The following FARP1 variants were observed in gnomAD, a reference collection of about 807,000 sequenced individuals.
The protein encoded by FARP1 is FERM, ARH/RhoGEF and pleckstrin domain protein 1, also known as FERM, ARHGEF and pleckstrin domain-containing protein 1.
A neutral mutation model predicts 128.8 loss-of-function variants in FARP1; 52 were observed. The ratio of observed to expected loss-of-function variants is 0.40; its 90% CI spans 0.32 to 0.51. FARP1 has a LOEUF of 0.51. Among genes scored for constraint, FARP1 ranks in the 20% least tolerant of loss-of-function variants. The pLI, the probability that FARP1 is intolerant of heterozygous loss-of-function variation, is 0.45. For synonymous variants in FARP1, 580 were observed against 551.8 expected, an observed-to-expected ratio of 1.05 and a Z score of -0.72; for missense variants, 1,333 against 1,367.9, an observed-to-expected ratio of 0.97 and a Z score of 0.40.
intron 2 of FARP1, among the ~76,000 whole-genome samples, chr13:98,341,627 G>A (rs1157450473): frequency 1.3e-5 from 2 of 152,016 alleles, no homozygotes; most frequent in East Asian, 1.9e-4. Flanking sequence ...GGGAAACTCC[G>A]TTTCAAAAAA....
At chr13:98,344,443 G>A (rs1205619189) in intron 3 of FARP1, among the ~76,000 whole-genome samples, 1 of 152,148 alleles carries the variant, frequency 6.6e-6, no homozygotes, top group African/African-American at 2.4e-5. Flanking sequence ...GCCCATCCCT[G>A]GGGAAGACCA....
At chr13:98,415,314 A>G (rs7982662) in intron 16 of FARP1, among the ~76,000 whole-genome samples, 20,679 of 152,208 alleles carry the variant, frequency 0.14, 2,155 homozygotes, top group East Asian at 0.31. Context: ...CCTTTTCTGC[A>G]ACAACCGACC....
intron 13 of FARP1, chr13:98,400,509 G>T (rs1367539969): frequency 6.6e-6 from 1 of 152,200 alleles, no homozygotes; most frequent in Admixed American, 6.5e-5. Flanking sequence ...GAATGACTTT[G>T]GTGAAACTGT....
At chr13:98,417,197 T>G (rs1352374245) in intron 16 of FARP1, among the ~76,000 whole-genome samples, 1 of 151,800 alleles carries the variant, frequency 6.6e-6, no homozygotes, top group Non-Finnish European at 1.5e-5. Flanking sequence ...GGAATGATAA[T>G]TTTGAGGGCC....
chr13:98,303,976 C>T (rs187887636), intron 2 of FARP1, among the ~76,000 whole-genome samples: 5 of 152,308 alleles, frequency 3.3e-5, no homozygotes, highest in Non-Finnish European at 5.9e-5. Flanking sequence ...AAGTGGTGGT[C>T]TGAGTGTCAC....
intron 13 of FARP1, among the ~76,000 whole-genome samples, chr13:98,409,107 T>C (rs1891087577): frequency 6.6e-6 from 1 of 152,192 alleles, no homozygotes; most frequent in South Asian, 2.1e-4. Flanking sequence ...CAGAGTTCTC[T>C]ATCTTATCAT....
intron 2 of FARP1, among the ~76,000 whole-genome samples, chr13:98,231,204 A>G (rs925880834): frequency 1.3e-5 from 2 of 152,136 alleles, no homozygotes; most frequent in African/African-American, 4.8e-5. Flanking sequence ...CCTGGGTGCA[A>G]GGATAACCCC....
intron 1 of FARP1, among the ~76,000 whole-genome samples, chr13:98,178,467 A>C (rs752328411): frequency 2.0e-5 from 3 of 152,220 alleles, no homozygotes; most frequent in Non-Finnish European, 4.4e-5. Flanking sequence ...AAATGTTGGT[A>C]TTACAGGCGT....
At chr13:98,344,376 A>AG (rs1888093214) in intron 3 of FARP1, among the ~76,000 whole-genome samples, 1 of 152,026 alleles carries the variant, frequency 6.6e-6, no homozygotes, top group South Asian at 2.1e-4. Context: ...ACCCCTGTGG[A>AG]GGAGAGGGCT....
At chr13:98,386,270 T>C (rs1890095629) in intron 8 of FARP1, among the ~76,000 whole-genome samples, 1 of 151,266 alleles carries the variant, frequency 6.6e-6, no homozygotes, top group Non-Finnish European at 1.5e-5. Context: ...TTAAAGAGTG[T>C]TAGGCACACT....
At chr13:98,197,735 C>A (rs113352896) in intron 1 of FARP1, among the ~76,000 whole-genome samples, 1 of 151,314 alleles carries the variant, frequency 6.6e-6, no homozygotes, top group African/African-American at 2.4e-5. Context: ...CCCGGGTTCA[C>A]GCCATTCTTC....
intron 1 of FARP1, among the ~76,000 whole-genome samples, chr13:98,191,917 T>A (rs1407785483): frequency 6.6e-6 from 1 of 152,164 alleles, no homozygotes; most frequent in Non-Finnish European, 1.5e-5. Flanking sequence ...CACTCCAGCC[T>A]GGGTGACAGA....
At chr13:98,313,046 C>A (rs1444585645) in intron 2 of FARP1, among the ~76,000 whole-genome samples, 2 of 151,874 alleles carry the variant, frequency 1.3e-5, no homozygotes, top group African/African-American at 2.4e-5. Flanking sequence ...GAAGCAGAGT[C>A]CTTACAGATG....
At chr13:98,215,898 C>A (rs1881033019) in intron 2 of FARP1, among the ~76,000 whole-genome samples, 1 of 151,934 alleles carries the variant, frequency 6.6e-6, no homozygotes, top group Non-Finnish European at 1.5e-5. Context: ...TTAAGCGATT[C>A]TTCTGCCTCA....
At chr13:98,248,064 C>T (rs2139478663) in intron 2 of FARP1, among the ~76,000 whole-genome samples, 1 of 152,328 alleles carries the variant, frequency 6.6e-6, no homozygotes, top group Admixed American at 6.5e-5. Flanking sequence ...CTCTCAGCAT[C>T]AGAGAGGCGG....
At chr13:98,321,191 A>G (rs2139789189) in intron 2 of FARP1, among the ~76,000 whole-genome samples, 1 of 152,126 alleles carries the variant, frequency 6.6e-6, no homozygotes, top group Non-Finnish European at 1.5e-5. Context: ...GTCACCACTG[A>G]CCTTGTGGAA....
intron 1 of FARP1, chr13:98,177,382 C>T: frequency 1.6e-6 from 1 of 606,118 alleles, no homozygotes. Context: ...CGCGGTGACT[C>T]ACTCTTGTAA....
At chr13:98,431,353 G>A in intron 18 of FARP1, 73 bp downstream of exon 18, 1 of 1,044,820 alleles carries the variant, frequency 9.6e-7, no homozygotes, top group South Asian at 1.6e-5. Flanking sequence ...ACTGAGCCCA[G>A]CCAGGGAGGG....
At chr13:98,159,348 G>A (rs1229943166) in intron 1 of FARP1, 1 of 152,240 alleles carries the variant, frequency 6.6e-6, no homozygotes, top group Non-Finnish European at 1.5e-5. Context: ...TCTTCTTGTA[G>A]TACAGGTGTC....
Sources: gnomAD v4.1 joint callset for allele counts (sites outside exome capture counted in the v4.1 genomes callset) on GRCh38, gnomAD v4.1.1 for gene constraint, MANE v1.5 for transcripts, NCBI Gene and HGNC (gene_info 2026-07-23, HGNC 2026-07-21) for gene names.